The following NRIP1 variants were observed in gnomAD, a reference collection of about 807,000 sequenced individuals.
NRIP1 encodes the protein nuclear receptor interacting protein 1.
In NRIP1, 28 loss-of-function variants were observed where a neutral mutation model predicts 75.0. The observed-to-expected ratio is 0.37, with a 90% CI of 0.28 to 0.51. NRIP1 has a LOEUF of 0.51. Ranked by LOEUF, NRIP1 falls within the 20% of genes least tolerant of loss-of-function variation. The probability of loss-of-function intolerance (pLI) is 0.92; values close to 1 mark genes in which losing one functional copy is unlikely to be tolerated. For synonymous variants in NRIP1, 526 were observed against 487.6 expected (o/e 1.08, Z -1.04); for missense variants, 1,435 against 1,343.7 (o/e 1.07, Z -1.06).
intron 3 of NRIP1, among the ~76,000 whole-genome samples, chr21:14,979,040 A>G (rs2087157438): frequency 1.3e-5 from 2 of 152,180 alleles, no homozygotes; most frequent in Admixed American, 1.3e-4. Flanking sequence ...ATACCTATTT[A>G]TGATTAGTAC....
intron 1 of NRIP1, among the ~76,000 whole-genome samples, chr21:15,056,158 G>A (rs1184574344): frequency 2.6e-5 from 4 of 152,006 alleles, no homozygotes; most frequent in Non-Finnish European, 5.9e-5. Flanking sequence ...GGAGGACAAG[G>A]TGCCTCTAAG....
chr21:14,988,534 T>TAC (rs3076007), intron 3 of NRIP1, among the ~76,000 whole-genome samples: 34 of 151,354 alleles, frequency 2.2e-4, no homozygotes, highest in Non-Finnish European at 4.4e-4. Context: ...TATATATATA[T>TAC]CCTGAAAAAC....
intron 3 of NRIP1, among the ~76,000 whole-genome samples, chr21:15,006,234 G>T (rs888971175): frequency 6.6e-6 from 1 of 152,108 alleles, no homozygotes; most frequent in Non-Finnish European, 1.5e-5. Context: ...AGCAATCTCG[G>T]TCTTGTTATA....
At chr21:14,996,093 T>G (rs1430966427) in intron 3 of NRIP1, among the ~76,000 whole-genome samples, 1 of 152,182 alleles carries the variant, frequency 6.6e-6, no homozygotes, top group East Asian at 1.9e-4. Context: ...GTAGCCACAC[T>G]TTTTCAAAGT....
chr21:15,048,451 A>T (rs1177786582), intron 1 of NRIP1, among the ~76,000 whole-genome samples: 1 of 152,238 alleles, frequency 6.6e-6, no homozygotes, highest in Non-Finnish European at 1.5e-5. Context: ...TAGAATCTTA[A>T]CTACAGGCAG....
rs144305143 is a variant in NRIP1 at position 15,039,421 on chromosome 21, T to C, written c.-458+4074A>G. On this transcript the variant is annotated intron_variant, in intron 2 of 3. Coordinates refer to ENST00000318948, the MANE Select transcript of NRIP1 (RefSeq NM_003489.4). ...GTTCTCACAGGTCAATAGTCCCTTA[T>C]CCACATTCCCAATTTTGAATACCAA... Among the ~76,000 whole-genome samples, 19 of 152,236 alleles carry C rather than the reference T, an allele frequency of 1.2e-4. No individual in the cohort carries two copies. The East Asian group carries it at 3.5e-3, about 28-fold the overall frequency.
intron 3 of NRIP1, among the ~76,000 whole-genome samples, chr21:14,971,290 T>C (rs557782748): frequency 6.6e-6 from 1 of 152,148 alleles, no homozygotes; most frequent in African/African-American, 2.4e-5. Flanking sequence ...GGAAGGGAAT[T>C]TGACATTCAA....
At chr21:15,046,706 T>C (rs1212071368) in intron 1 of NRIP1, among the ~76,000 whole-genome samples, 2 of 152,222 alleles carry the variant, frequency 1.3e-5, no homozygotes, top group African/African-American at 2.4e-5. Flanking sequence ...GAAGGCTGTT[T>C]CATTTACACT....
chr21:15,045,801 T>A (rs1334487058), intron 1 of NRIP1, among the ~76,000 whole-genome samples: 2 of 152,216 alleles, frequency 1.3e-5, no homozygotes, highest in Non-Finnish European at 2.9e-5. Flanking sequence ...TTCTAAATCC[T>A]TCGTTGTTAT....
chr21:15,014,602 T>C, intron 2 of NRIP1, 136 bp from the exon 3 acceptor site: 1 of 395,854 alleles, frequency 2.5e-6, no homozygotes, highest in East Asian at 3.6e-5. Context: ...CAGAAAAATA[T>C]CAATTGTTTA....
intron 2 of NRIP1, among the ~76,000 whole-genome samples, chr21:15,027,095 C>T (rs1339364385): frequency 1.3e-5 from 2 of 152,014 alleles, no homozygotes; most frequent in Non-Finnish European, 2.9e-5. Context: ...CTACCATTTT[C>T]GCAAAACAAA....
At position 14,967,703 on chromosome 21, in the gene NRIP1, G is replaced by A. The variant is rs760035394; in HGVS notation, c.490C>T (p.Leu164Phe). 10 of 1,614,092 alleles carry A rather than the reference G, an allele frequency of 6.2e-6. No homozygotes were observed. Among genetic ancestry groups the A allele is most frequent in the Admixed American group, 3.3e-5 (2 of 60,006 alleles). Residue 164 changes from leucine to phenylalanine, a missense_variant, in exon 4 of 4, where the codon CTC (leucine) becomes TTC (phenylalanine). Coordinates refer to ENST00000318948, the MANE Select transcript of NRIP1 (RefSeq NM_003489.4). The stretch of plus-strand genomic sequence containing the variant: ...TCCACTTTTAAAGAATCATGACTGA[G>A]GGCATATCCTTGCTCCTTGAGGCTC... Reference protein sequence around the residue: ...RQSLKEQGYALSHDSLKVEKD... With the variant: ...RQSLKEQGYAFSHDSLKVEKD...
At position 15,012,547 on chromosome 21, in the gene NRIP1, G is replaced by A. The variant is rs140716257; in HGVS notation, c.-335+1797C>T. ...TTGGCTCACTGCAACCCCGACTGCCGACTTAAGTGATTCTCCTGCCTCAGC... is the reference window on the plus strand; with the variant it reads ...TTGGCTCACTGCAACCCCGACTGCCAACTTAAGTGATTCTCCTGCCTCAGC... On this transcript the variant is annotated intron_variant, in intron 3 of 3. Coordinates refer to ENST00000318948, the MANE Select transcript of NRIP1 (RefSeq NM_003489.4). Among the ~76,000 whole-genome samples the A allele has an allele frequency of 5.1e-3, 670 of 130,876 alleles. 4 individuals are homozygous for A. The highest frequency in any genetic ancestry group is 0.018 in the African/African-American group (631 of 35,308). 85.9% of individuals were successfully genotyped at this position (130,876 alleles called of 152,430 possible). A position where few individuals can be genotyped will look rare whatever the true frequency, so the allele number is the denominator to read the frequency against.
chr21:15,019,160 T>G (rs2088306893), intron 2 of NRIP1, among the ~76,000 whole-genome samples: 1 of 148,344 alleles, frequency 6.7e-6, no homozygotes, highest in Non-Finnish European at 1.5e-5. Context: ...ATATAATTAC[T>G]ATATTAATTG....
chr21:15,034,419 T>C (rs1410865368), intron 2 of NRIP1, among the ~76,000 whole-genome samples: 1 of 152,210 alleles, frequency 6.6e-6, no homozygotes, highest in African/African-American at 2.4e-5. Flanking sequence ...TTTTAAAACC[T>C]ATCACAGCCA....
chr21:14,975,668 AGAG>A (rs2087041952), intron 3 of NRIP1, among the ~76,000 whole-genome samples: 1 of 136,340 alleles, frequency 7.3e-6, no homozygotes, highest in African/African-American at 3.3e-5. Flanking sequence ...GGAGAGAGAG[AGAG>A]AAAGAAAGAA....
intron 1 of NRIP1, among the ~76,000 whole-genome samples, chr21:15,047,903 G>T (rs1473524942): frequency 2.0e-5 from 3 of 152,170 alleles, no homozygotes; most frequent in East Asian, 3.9e-4. Context: ...ACCTTTTCTA[G>T]CTCTTGATTT....
Position 14,988,421 on chromosome 21 carries a change from T to TTAGATAGATAGATAGA in NRIP1, c.-334-19911_-334-19896dup, listed in dbSNP as rs3075987. Among the ~76,000 whole-genome samples, 28 of 145,926 alleles carry TTAGATAGATAGATAGA rather than the reference T, an allele frequency of 1.9e-4. No individual in the cohort carries two copies. In the East Asian group the frequency reaches 4.4e-3, roughly 23 times the overall value. On this transcript the variant is annotated intron_variant, in intron 3 of 3. Transcript: ENST00000318948. ...TGAGGCTTAGGATTGTCTTTTGTCTTTAGATAGATAGATAGATAGATAGAT... is the reference window on the plus strand; with the variant it reads ...TGAGGCTTAGGATTGTCTTTTGTCTTTAGATAGATAGATAGATAGATAGATAGATAGATAGATAGAT...
chr21:14,976,037 A>C (rs2087056477), intron 3 of NRIP1, among the ~76,000 whole-genome samples: 2 of 152,202 alleles, frequency 1.3e-5, no homozygotes, highest in South Asian at 4.1e-4. Context: ...TTTTTAAAAA[A>C]GCATTTGAAA....
Sources: allele counts gnomAD v4.1 joint callset (sites outside exome capture counted in the v4.1 genomes callset), GRCh38; gene constraint gnomAD v4.1.1; transcripts MANE v1.5; gene names NCBI Gene and HGNC (gene_info 2026-07-23, HGNC 2026-07-21).